PDGFRL: variants seen among roughly 807,000 people sequenced by gnomAD.
PDGFRL encodes platelet derived growth factor receptor like.
PDGFRL carries 46 observed loss-of-function variants against 37.2 expected under a neutral mutation model. That is an observed-to-expected ratio of 1.24 (90% CI 0.98 to 1.58). The LOEUF is 1.58. Among genes scored for constraint, PDGFRL ranks in the 40% most tolerant of loss-of-function variants. The pLI is 0.00. For missense variants in PDGFRL, 692 were observed against 467.6 expected (o/e 1.48, Z -4.43); for synonymous variants, 251 against 184.3 (o/e 1.36, Z -2.93).
chr8:17,596,531 T>G (rs1390681806), intron 2 of PDGFRL, among the ~76,000 whole-genome samples: 3 of 152,260 alleles, frequency 2.0e-5, no homozygotes, highest in Non-Finnish European at 4.4e-5. Context: ...ATTCCATGCT[T>G]GAAGTTTTAG....
At chr8:17,615,015 T>G (rs1804494977) in intron 2 of PDGFRL, among the ~76,000 whole-genome samples, 1 of 152,136 alleles carries the variant, frequency 6.6e-6, no homozygotes, top group Admixed American at 6.5e-5. Flanking sequence ...TGAGTCAAAA[T>G]GGGTAAAGGG....
At chr8:17,582,207 A>C (rs537628996) in intron 1 of PDGFRL, among the ~76,000 whole-genome samples, 10 of 152,276 alleles carry the variant, frequency 6.6e-5, no homozygotes, top group African/African-American at 2.4e-4. Context: ...TTGGAAGGCC[A>C]CACTTAAGAG....
intron 4 of PDGFRL, among the ~76,000 whole-genome samples, chr8:17,633,800 C>G (rs1254077788): frequency 6.6e-6 from 1 of 152,180 alleles, no homozygotes; most frequent in Non-Finnish European, 1.5e-5. Context: ...CACATGACCA[C>G]TGATGGACCT....
intron 2 of PDGFRL, among the ~76,000 whole-genome samples, chr8:17,608,281 TGGAGCAGA>T (rs1443686280): frequency 1.3e-5 from 2 of 152,138 alleles, no homozygotes; most frequent in Non-Finnish European, 2.9e-5. Context: ...TCAGTTACAT[TGGAGCAGA>T]GGTCAGAAAG....
rs1206194769 is a variant in PDGFRL, at chr8:17,642,793, T to C, written c.1120T>C (p.Phe374Leu). 6.3e-7 allele frequency: 1 copy of C among 1,597,742 alleles called. No homozygotes were observed. Among genetic ancestry groups the C allele is most frequent in the South Asian group, 1.1e-5 (1 of 90,242 alleles). Residue 374 changes from phenylalanine (F) to leucine (L), a missense_variant, in exon 6 of 6, where the codon TTT becomes CTT. Transcript: ENST00000251630. The part of the protein sequence containing the change: ...GQTTVATTVE[F>L]S ...GACCACAGTAGCTACCACTGTTGAG[T>C]TTTCCTGACTTGGAAAAGGAAATGT... is the stretch of plus-strand genomic sequence containing the variant.
chr8:17,606,857 C>T (rs1183701223), intron 2 of PDGFRL, among the ~76,000 whole-genome samples: 2 of 150,250 alleles, frequency 1.3e-5, no homozygotes, highest in Admixed American at 1.3e-4. Context: ...GGAGGTAAAT[C>T]ATAAGAAACA....
At chr8:17,634,599 A>G (rs1419015199) in intron 5 of PDGFRL, among the ~76,000 whole-genome samples, 1 of 152,196 alleles carries the variant, frequency 6.6e-6, no homozygotes, top group African/African-American at 2.4e-5. Context: ...CTGGATAAAG[A>G]AAACATAGTA....
At chr8:17,641,106 G>C (rs182137452) in intron 5 of PDGFRL, among the ~76,000 whole-genome samples, 1 of 152,102 alleles carries the variant, frequency 6.6e-6, no homozygotes, top group African/African-American at 2.4e-5. Flanking sequence ...CCAAAGGGCC[G>C]GTCTCACTCC....
At chr8:17,577,113 C>T (rs1370783769), upstream of PDGFRL, 7 of 1,237,796 alleles carry the variant, frequency 5.7e-6, no homozygotes, top group Non-Finnish European at 7.5e-6. Context: ...AACTTTTTCC[C>T]CCAAACCTTG....
At chr8:17,604,452 G>A (rs1024106164) in intron 2 of PDGFRL, among the ~76,000 whole-genome samples, 3 of 152,114 alleles carry the variant, frequency 2.0e-5, no homozygotes, top group Non-Finnish European at 4.4e-5. Flanking sequence ...GGATGAAGCT[G>A]GAAACCATCA....
At chr8:17,630,820 A>G (rs1804846477) in intron 4 of PDGFRL, among the ~76,000 whole-genome samples, 1 of 149,934 alleles carries the variant, frequency 6.7e-6, no homozygotes, top group African/African-American at 2.5e-5. Flanking sequence ...CTCACCTGTC[A>G]CAAGCCCCCT....
intron 2 of PDGFRL, among the ~76,000 whole-genome samples, chr8:17,616,489 T>C (rs1192908793): frequency 6.6e-6 from 1 of 152,196 alleles, no homozygotes; most frequent in Non-Finnish European, 1.5e-5. Context: ...CACTTGCGCC[T>C]GGCCCAAGTT....
intron 2 of PDGFRL, among the ~76,000 whole-genome samples, chr8:17,607,803 T>A (rs1804315226): frequency 6.6e-6 from 1 of 152,196 alleles, no homozygotes; most frequent in Non-Finnish European, 1.5e-5. Context: ...TTGAAAGATA[T>A]GTCAAAGGAG....
At chr8:17,593,162 C>T (rs1269747284) in intron 2 of PDGFRL, among the ~76,000 whole-genome samples, 2 of 152,084 alleles carry the variant, frequency 1.3e-5, no homozygotes, top group Admixed American at 1.3e-4. Context: ...TGAATCCGTT[C>T]TTCCTGTTTC....
intron 5 of PDGFRL, among the ~76,000 whole-genome samples, chr8:17,642,100 C>T (rs1290038009): frequency 1.3e-5 from 2 of 152,092 alleles, no homozygotes; most frequent in East Asian, 1.9e-4. Context: ...ACTTTTCTCC[C>T]ACTAGAGTCC....
intron 3 of PDGFRL, among the ~76,000 whole-genome samples, chr8:17,624,539 A>G (rs1417390261): frequency 6.6e-6 from 1 of 152,242 alleles, no homozygotes; most frequent in Non-Finnish European, 1.5e-5. Flanking sequence ...GGATGAGAAC[A>G]TTACCAGCAG....
chr8:17,602,494 A>T (rs143816580), intron 2 of PDGFRL, among the ~76,000 whole-genome samples: 2 of 152,052 alleles, frequency 1.3e-5, no homozygotes, highest in Non-Finnish European at 2.9e-5. Flanking sequence ...ATTTTTTTTT[A>T]AAGCTGTAGA....
intron 1 of PDGFRL, among the ~76,000 whole-genome samples, chr8:17,585,728 TAAC>T (rs1803800867): frequency 6.6e-6 from 1 of 152,140 alleles, no homozygotes; most frequent in Non-Finnish European, 1.5e-5. Context: ...TGACTGTGCT[TAAC>T]AAGAAATCTC....
chr8:17,628,452 G>C (rs771399140), intron 3 of PDGFRL, 35 bp from the exon 4 acceptor site: 1 of 1,575,716 alleles, frequency 6.3e-7, no homozygotes, highest in Non-Finnish European at 8.7e-7. Flanking sequence ...TGCGTCTCCG[G>C]AGTGAATAAG....
Sources: allele counts gnomAD v4.1 joint callset (sites outside exome capture counted in the v4.1 genomes callset), GRCh38; gene constraint gnomAD v4.1.1; transcripts MANE v1.5; gene names NCBI Gene and HGNC (gene_info 2026-07-23, HGNC 2026-07-21).